Variants in TIAM2 observed in about 807,000 individuals in gnomAD.
TIAM2 encodes TIAM Rac1 associated GEF 2.
TIAM2 carries 80 observed loss-of-function variants against 152.9 expected under a neutral mutation model. The observed-to-expected ratio is 0.52, with a 90% CI of 0.44 to 0.63. TIAM2 has a LOEUF of 0.63. Ranked by LOEUF, TIAM2 falls within the 30% of genes least tolerant of loss-of-function variation. The pLI, the probability that TIAM2 is intolerant of heterozygous loss-of-function variation, is 0.00. For missense variants in TIAM2, 1,965 were observed against 2,120.1 expected (o/e 0.93, Z 1.44); for synonymous variants, 804 against 838.0 (o/e 0.96, Z 0.70).
chr6:155,194,898 A>G (rs1306097311), intron 14 of TIAM2, among the ~76,000 whole-genome samples: 1 of 152,090 alleles, frequency 6.6e-6, no homozygotes, highest in African/African-American at 2.4e-5. Context: ...GTGAGTTCTC[A>G]TTAGATCTGA....
chr6:155,229,161 A>G (rs1392426392), intron 15 of TIAM2, among the ~76,000 whole-genome samples: 1 of 151,906 alleles, frequency 6.6e-6, no homozygotes, highest in Non-Finnish European at 1.5e-5. Flanking sequence ...CACTTTATTG[A>G]GATACTGAGT....
intron 2 of TIAM2, among the ~76,000 whole-genome samples, chr6:155,124,320 CA>C (rs1779240134): frequency 6.8e-6 from 1 of 147,988 alleles, no homozygotes; most frequent in Admixed American, 6.7e-5. Flanking sequence ...CATGCCCAGC[CA>C]GGTTTTGAAC....
intron 7 of TIAM2, among the ~76,000 whole-genome samples, chr6:155,161,566 GT>G (rs1663646309): frequency 6.7e-6 from 1 of 148,758 alleles, no homozygotes; most frequent in African/African-American, 2.5e-5. Flanking sequence ...ATTTTATTTT[GT>G]CTTTTTTTTT....
chr6:155,005,175 T>C, intron 1 of TIAM2: 1 of 227,260 alleles, frequency 4.4e-6, no homozygotes, highest in Non-Finnish European at 9.5e-6. Context: ...CAGCAGCTTG[T>C]CCCTCATTTC....
At position 155,129,082 on chromosome 6, in the gene TIAM2, C is replaced by G. The variant is rs2115036583; in HGVS notation, c.-6-136C>G. ...GGAGAGCCTGTTCTACTGACTGACT[C>G]TTGTCCCTACTCCTCTGAGTCCTTC... On this transcript the variant is annotated intron_variant, in intron 3 of 26. Transcript: ENST00000682666. This position sits in a 1 kb window ranked among gnomAD's most constrained non-coding sequence, Gnocchi z 4.8. 1.3e-6 allele frequency: 1 copy of G among 760,448 alleles called. No homozygotes were observed. The highest frequency in any genetic ancestry group is 1.9e-5 in the South Asian group (1 of 53,458). The allele number at this position is 760,448 out of a possible 1,614,324, so 47.1% of individuals were successfully genotyped here. A position where few individuals can be genotyped will look rare whatever the true frequency, so the allele number is the denominator to read the frequency against.
At chr6:155,165,125 T>A (rs909095588) in intron 8 of TIAM2, 138 bp from the exon 9 acceptor site, 20 of 894,402 alleles carry the variant, frequency 2.2e-5, no homozygotes, top group Non-Finnish European at 3.4e-5. Context: ...GATGGATGCT[T>A]TCCTGGTATT....
chr6:155,062,819 C>T (rs1213627527), intron 1 of TIAM2, among the ~76,000 whole-genome samples: 2 of 152,158 alleles, frequency 1.3e-5, no homozygotes, highest in East Asian at 1.9e-4. Context: ...ATGTGATCCA[C>T]CCGCCTCAGC....
chr6:155,062,066 G>A (rs1017554195), intron 1 of TIAM2, among the ~76,000 whole-genome samples: 4 of 140,196 alleles, frequency 2.9e-5, no homozygotes, highest in Admixed American at 7.3e-5. Context: ...GCTTACCCTC[G>A]CCACCGCCCC....
At chr6:155,076,507 G>T (rs1028827789) in intron 1 of TIAM2, among the ~76,000 whole-genome samples, 13 of 152,122 alleles carry the variant, frequency 8.5e-5, no homozygotes, top group Non-Finnish European at 1.5e-4. Flanking sequence ...GAAGTACAAA[G>T]AATTTAGGCC....
Position 155,137,063 on chromosome 6 carries a change from C to G in TIAM2, c.1195-114C>G, listed in dbSNP as rs1779571687. ...AAAGATGTATTTTTGTTACAAGAATCTTGCTTTGCATTACATTATCAGCAG... is the reference window on the plus strand; with the variant it reads ...AAAGATGTATTTTTGTTACAAGAATGTTGCTTTGCATTACATTATCAGCAG... On this transcript the variant is annotated intron_variant, in intron 4 of 26. Transcript: ENST00000682666. The G allele has an allele frequency of 5.3e-6, 6 of 1,123,880 alleles. No homozygotes were observed. In the South Asian group the frequency reaches 6.7e-5, roughly 13 times the overall value. 69.6% of individuals were successfully genotyped at this position (1,123,880 alleles called of 1,614,324 possible). A position where few individuals can be genotyped will look rare whatever the true frequency, so the allele number is the denominator to read the frequency against.
chr6:155,112,931 C>G (rs1318151108), intron 2 of TIAM2, among the ~76,000 whole-genome samples: 2 of 151,082 alleles, frequency 1.3e-5, no homozygotes, highest in African/African-American at 2.4e-5. Context: ...CGCATTGCCT[C>G]TCCCCTGCAT....
intron 14 of TIAM2, among the ~76,000 whole-genome samples, chr6:155,206,462 C>T (rs920582683): frequency 1.3e-5 from 2 of 152,126 alleles, no homozygotes; most frequent in Admixed American, 6.6e-5. Context: ...GTCTCGATCT[C>T]CTGACCTCGT....
At chr6:155,018,746 C>G (rs113320625) in intron 1 of TIAM2, among the ~76,000 whole-genome samples, 1 of 14,540 alleles carries the variant, frequency 6.9e-5, no homozygotes, top group Non-Finnish European at 1.4e-4. Flanking sequence ...CCTTCCCTCC[C>G]CTCCCCTCCC....
intron 19 of TIAM2, 99 bp downstream of exon 19, chr6:155,245,830 T>C (rs1313228760): frequency 8.7e-6 from 7 of 800,010 alleles, no homozygotes; most frequent in Non-Finnish European, 1.4e-5. Flanking sequence ...GTAAGTACAA[T>C]TTTGATGTAT....
intron 1 of TIAM2, among the ~76,000 whole-genome samples, chr6:155,062,703 C>T (rs1326808596): frequency 2.0e-5 from 3 of 151,678 alleles, no homozygotes; most frequent in Non-Finnish European, 2.9e-5. Context: ...CTCAGCCTCC[C>T]GAGTAGTTGG....
chr6:155,202,883 C>CAAAAAAAAA (rs36086677), intron 14 of TIAM2, among the ~76,000 whole-genome samples: 1 of 109,172 alleles, frequency 9.2e-6, no homozygotes, highest in Admixed American at 9.9e-5. Context: ...ACTAAAAATA[C>CAAAAAAAAA]AAAAAAAAAA....
At chr6:155,074,779 T>G (rs1349168759) in intron 1 of TIAM2, among the ~76,000 whole-genome samples, 1 of 148,966 alleles carries the variant, frequency 6.7e-6, no homozygotes, top group Middle Eastern at 3.3e-3. Context: ...ACTTTAGTCT[T>G]CAGAGCTGAT....
intron 1 of TIAM2, among the ~76,000 whole-genome samples, chr6:155,048,014 G>A (rs762011666): frequency 4.4e-4 from 67 of 151,976 alleles, no homozygotes; most frequent in Non-Finnish European, 8.1e-4. Flanking sequence ...GTGCAGTGGC[G>A]CGATCTCCAC....
intron 1 of TIAM2, among the ~76,000 whole-genome samples, chr6:155,060,320 T>A (rs1351875019): frequency 6.6e-6 from 1 of 152,150 alleles, no homozygotes; most frequent in African/African-American, 2.4e-5. Context: ...GAGAATTGCC[T>A]GAATCTGGGA....
Sources: gnomAD v4.1 joint callset for allele counts (sites outside exome capture counted in the v4.1 genomes callset) on GRCh38, gnomAD v4.1.1 for gene constraint, Gnocchi (gnomAD v3.1) non-coding constraint, MANE v1.5 for transcripts, NCBI Gene and HGNC (gene_info 2026-07-23, HGNC 2026-07-21) for gene names.